The following PIEZO2 variants were observed in gnomAD, a reference collection of about 807,000 sequenced individuals.
PIEZO2 encodes piezo-type mechanosensitive ion channel component 2.
Under a neutral mutation model 337.3 loss-of-function variants are expected in PIEZO2, and 172 were observed. The observed-to-expected ratio is 0.51, with a 90% CI of 0.45 to 0.58. The LOEUF (loss-of-function observed/expected upper bound fraction) is 0.58, where lower values mean the gene tolerates loss of function less well. Among genes scored for constraint, PIEZO2 ranks in the 20% least tolerant of loss-of-function variants. The pLI is 0.00. For synonymous variants in PIEZO2, 1,251 were observed against 1,228.5 expected (o/e 1.02, Z -0.38); for missense variants, 3,028 against 3,391.3 (o/e 0.89, Z 2.66).
chr18:10,757,604 G>A (rs962818954), intron 27 of PIEZO2, among the ~76,000 whole-genome samples: 3 of 151,456 alleles, frequency 2.0e-5, no homozygotes, highest in African/African-American at 7.3e-5. Flanking sequence ...AAGAAAGATG[G>A]GGGATGAGGA....
Position 10,696,529 on chromosome 18 carries a change from T to A in PIEZO2, c.6838A>T (p.Ile2280Phe), listed in dbSNP as rs767304315. 5.0e-6 allele frequency: 8 copies of A among 1,613,224 alleles called. No homozygotes were observed. Among genetic ancestry groups the A allele is most frequent in the African/African-American group, 1.3e-5 (1 of 74,852 alleles). The change falls in exon 46 of 56, where the codon ATC becomes TTC. Residue 2280 changes from isoleucine (I) to phenylalanine (F), a missense_variant. Ile to Phe is a conservative substitution (Grantham distance 21, BLOSUM62 0). Transcript: ENST00000674853. ...AAGAACTGTTTGATGGGCACATAGA[T>A]CTCCAGCGTCCTGCAAAATGGAGAC... is the stretch of plus-strand genomic sequence containing the variant. ...KAFTIKKTLE[I>F]YVPIKQFFYN...
intron 7 of PIEZO2, among the ~76,000 whole-genome samples, chr18:10,818,385 T>C (rs1249416163): frequency 6.6e-6 from 1 of 152,222 alleles, no homozygotes; most frequent in Non-Finnish European, 1.5e-5. Context: ...GAACAAACTC[T>C]ATGTATAGCC....
rs1356108893 is a variant in PIEZO2, at chr18:11,129,816, G to A, written c.64+18709C>T. Reference sequence around the variant, plus strand: ...CCAGGGGACCCAAAATGTCATCGTGGTACTTCAGTTAAAGTAGGGGCTTAT... The same window carrying A: ...CCAGGGGACCCAAAATGTCATCGTGATACTTCAGTTAAAGTAGGGGCTTAT... On this transcript the variant is annotated intron_variant, in intron 1 of 55. Coordinates refer to ENST00000674853, the MANE Select transcript of PIEZO2 (RefSeq NM_001378183.1). The surrounding 1 kb of genome is among the most constrained non-coding windows in gnomAD (Gnocchi z 4.6). Among the ~76,000 whole-genome samples, 1 of 152,170 alleles carries A rather than the reference G, an allele frequency of 6.6e-6. No individual in the cohort carries two copies. Among genetic ancestry groups the A allele is most frequent in the African/African-American group, 2.4e-5 (1 of 41,438 alleles).
At chr18:10,696,928 G>C (rs2035117189) in intron 45 of PIEZO2, among the ~76,000 whole-genome samples, 1 of 152,166 alleles carries the variant, frequency 6.6e-6, no homozygotes, top group Non-Finnish European at 1.5e-5. Context: ...TAAAACTGGA[G>C]TGATGAGAAG....
intron 2 of PIEZO2, among the ~76,000 whole-genome samples, chr18:11,000,370 T>C (rs1320112304): frequency 1.3e-5 from 2 of 152,216 alleles, no homozygotes; most frequent in Non-Finnish European, 2.9e-5. Context: ...TTTGGAACTA[T>C]CGTTTATTAC....
intron 54 of PIEZO2, among the ~76,000 whole-genome samples, chr18:10,674,855 C>T (rs886587497): frequency 6.6e-6 from 1 of 152,148 alleles, no homozygotes; most frequent in African/African-American, 2.4e-5. Flanking sequence ...TTTTACTGTT[C>T]TTATTGTGAG....
In PIEZO2 at chr18:10,784,852, G is replaced by A. The variant is rs766159507; in HGVS notation, c.2424C>T (p.Phe808=). 6.5e-7 allele frequency: 1 copy of A among 1,537,798 alleles called. No homozygotes were observed. The highest frequency in any genetic ancestry group is 1.2e-5 in the South Asian group (1 of 84,058). Reference sequence around the variant, plus strand: ...CTGTGAGTTCAAGGAACCGGTCATGGAAGTAGTGCAGGTGTAAAATGCACA... The same window carrying A: ...CTGTGAGTTCAAGGAACCGGTCATGAAAGTAGTGCAGGTGTAAAATGCACA... ...LLVCILHLHY[F]HDRFLELTDL... The change falls in exon 17 of 56, where the codon TTC becomes TTT. Residue 808 remains phenylalanine, a synonymous_variant. Transcript: ENST00000674853. This position sits in a 1 kb window ranked among gnomAD's most constrained non-coding sequence, Gnocchi z 4.5.
rs189397486 is a variant in PIEZO2, at chr18:11,049,353, C to T, written c.160+16774G>A. 1.2e-3 allele frequency among the ~76,000 whole-genome samples: 180 copies of T among 152,276 alleles called. 2 individuals are homozygous for T. The highest frequency in any genetic ancestry group is 4.2e-3 in the African/African-American group (173 of 41,554). On this transcript the variant is annotated intron_variant, in intron 2 of 55. Coordinates refer to ENST00000674853, the MANE Select transcript of PIEZO2 (RefSeq NM_001378183.1). ...AGAGCCAGATTAATATTCTGGTGAC[C>T]AAGGGTCTGTCTTCTTTACCTTTGT...
Position 10,873,700 on chromosome 18 carries a change from CTTAA to C in PIEZO2, c.330-2289_330-2286del, listed in dbSNP as rs773565858. Among the ~76,000 whole-genome samples, 164 of 152,140 alleles carry C rather than the reference CTTAA, an allele frequency of 1.1e-3. 2 individuals are homozygous for C. The highest frequency in any genetic ancestry group is 5.8e-3 in the Admixed American group (89 of 15,276). ...ACTATAATATACATAAAAATTAAAA[CTTAA>C]TTAAAGAGTCTTCTAATCTAGGATC... On this transcript the variant is annotated intron_variant, in intron 4 of 55. Coordinates refer to ENST00000674853, the MANE Select transcript of PIEZO2 (RefSeq NM_001378183.1).
chr18:10,883,648 G>C (rs561917452), intron 4 of PIEZO2, among the ~76,000 whole-genome samples: 1 of 152,124 alleles, frequency 6.6e-6, no homozygotes, highest in South Asian at 2.1e-4. Context: ...CAATTTCCAA[G>C]AATACAATAC....
intron 2 of PIEZO2, among the ~76,000 whole-genome samples, chr18:11,042,612 G>C (rs1202236082): frequency 6.6e-6 from 1 of 152,212 alleles, no homozygotes; most frequent in African/African-American, 2.4e-5. Context: ...AGGGTGACCT[G>C]TCCACAGATG....
rs950393370 is a variant in PIEZO2, at chr18:10,766,576, G to C, written c.2947-3478C>G. On this transcript the variant is annotated intron_variant, in intron 21 of 55. Transcript: ENST00000674853. The surrounding 1 kb of genome is among the most constrained non-coding windows in gnomAD (Gnocchi z 6.1). ...CCTGAGGGCCCTGCCTCAAGGGAAG[G>C]GGCCTCTGAGAACCAAAGCCTCCTG... Among the ~76,000 whole-genome samples, 2 of 152,102 alleles carry C rather than the reference G, an allele frequency of 1.3e-5. No homozygotes were observed. The highest frequency in any genetic ancestry group is 2.9e-5 in the Non-Finnish European group (2 of 68,018).
chr18:10,715,292 T>A (rs9965335), intron 38 of PIEZO2, among the ~76,000 whole-genome samples: 94,741 of 151,998 alleles, frequency 0.62, 29,570 homozygotes, highest in Admixed American at 0.7. Context: ...AGTGATCAGG[T>A]GGGAGAAAAC....
At chr18:10,910,930 T>C (rs1169289814) in intron 4 of PIEZO2, among the ~76,000 whole-genome samples, 1 of 151,802 alleles carries the variant, frequency 6.6e-6, no homozygotes, top group African/African-American at 2.4e-5. Context: ...TGTACTGTTT[T>C]ACAGTTCAAG....
intron 1 of PIEZO2, among the ~76,000 whole-genome samples, chr18:11,107,943 C>G (rs1437322508): frequency 6.6e-6 from 1 of 152,182 alleles, no homozygotes; most frequent in African/African-American, 2.4e-5. Flanking sequence ...TTTATATTCA[C>G]TGGTTCTGAC....
At chr18:10,987,329 T>C (rs1287209147) in intron 2 of PIEZO2, among the ~76,000 whole-genome samples, 1 of 151,950 alleles carries the variant, frequency 6.6e-6, no homozygotes, top group African/African-American at 2.4e-5. Flanking sequence ...CTATAGTAAT[T>C]AAAACAGTAT....
chr18:10,770,608 T>C (rs2038562307), intron 20 of PIEZO2, among the ~76,000 whole-genome samples: 1 of 152,234 alleles, frequency 6.6e-6, no homozygotes, highest in Non-Finnish European at 1.5e-5. Flanking sequence ...GCTTGCTTGC[T>C]TGCTTTCTCT....
In PIEZO2 at chr18:11,148,862, G is replaced by C. The variant is rs1036750761; in HGVS notation, c.-274C>G. On this transcript the variant is annotated 5_prime_UTR_variant, in exon 1 of 56. Transcript: ENST00000674853. This position sits in a 1 kb window ranked among gnomAD's most constrained non-coding sequence, Gnocchi z 5.2. ...CGGCCCCCTGCGGCCGGCCCATTTA[G>C]TGTGAATCCTGGATCCGGCAGCGGC... The C allele has an allele frequency of 2.2e-5, 9 of 403,192 alleles. No individual in the cohort carries two copies. Among genetic ancestry groups the C allele is most frequent in the Non-Finnish European group, 3.9e-5 (9 of 229,922 alleles). The allele number at this position is 403,192 out of a possible 1,614,324, so 25.0% of individuals were successfully genotyped here. A position where few individuals can be genotyped will look rare whatever the true frequency, so the allele number is the denominator to read the frequency against.
At chr18:10,897,903 A>T (rs1420409222) in intron 4 of PIEZO2, among the ~76,000 whole-genome samples, 1 of 152,248 alleles carries the variant, frequency 6.6e-6, no homozygotes, top group Non-Finnish European at 1.5e-5. Flanking sequence ...CATGTTAATA[A>T]AATACACGGT....
Sources: gnomAD v4.1 joint callset for allele counts (sites outside exome capture counted in the v4.1 genomes callset) on GRCh38, gnomAD v4.1.1 for gene constraint, Gnocchi (gnomAD v3.1) non-coding constraint, MANE v1.5 for transcripts, NCBI Gene and HGNC (gene_info 2026-07-23, HGNC 2026-07-21) for gene names.